The following CSMD1 variants were observed in gnomAD, a reference collection of about 807,000 sequenced individuals.
CSMD1 encodes the protein CUB and Sushi multiple domains 1.
CSMD1 carries 213 observed loss-of-function variants against 417.5 expected under a neutral mutation model. The ratio of observed to expected loss-of-function variants is 0.51; its 90% CI spans 0.46 to 0.57. The LOEUF is 0.57. Ranked by LOEUF, CSMD1 falls within the 20% of genes least tolerant of loss-of-function variation. CSMD1 has a pLI of 0.00. For missense variants in CSMD1, 6,923 were observed against 4,529.7 expected (o/e 1.53, Z -15.17); for synonymous variants, 2,862 against 1,736.8 (o/e 1.65, Z -16.11).
chr8:4,260,089 T>C (rs2128840171), intron 3 of CSMD1, among the ~76,000 whole-genome samples: 1 of 152,128 alleles, frequency 6.6e-6, no homozygotes, highest in Non-Finnish European at 1.5e-5. Context: ...ACATCCATTT[T>C]ACTAGAAATT....
chr8:4,030,253 C>T (rs1051715048), intron 4 of CSMD1, among the ~76,000 whole-genome samples: 15 of 152,188 alleles, frequency 9.9e-5, no homozygotes, highest in African/African-American at 3.6e-4. Context: ...CCCCACATTT[C>T]CCTCCTGCAC....
chr8:3,627,514 G>C (rs2469312), intron 7 of CSMD1, among the ~76,000 whole-genome samples: 3 of 152,042 alleles, frequency 2.0e-5, no homozygotes, highest in African/African-American at 4.8e-5. Context: ...CTGAATATAT[G>C]AGACTACTTT....
intron 2 of CSMD1, among the ~76,000 whole-genome samples, chr8:4,595,073 C>T (rs1002978657): frequency 6.6e-6 from 1 of 152,018 alleles, no homozygotes; most frequent in African/African-American, 2.4e-5. Flanking sequence ...CATAGGTGTG[C>T]CTTTTTTTAT....
chr8:3,352,007 G>A (rs1465992568), intron 21 of CSMD1, among the ~76,000 whole-genome samples: 2 of 150,548 alleles, frequency 1.3e-5, no homozygotes, highest in Admixed American at 6.6e-5. Context: ...CTTTTTTTTC[G>A]GATTTTATGT....
chr8:3,472,559 T>C (rs1817167642), intron 11 of CSMD1, among the ~76,000 whole-genome samples: 1 of 151,946 alleles, frequency 6.6e-6, no homozygotes, highest in African/African-American at 2.4e-5. Flanking sequence ...ACAAGAAAGA[T>C]GATGAAGAAC....
At chr8:3,145,664 T>C (rs538361423) in intron 40 of CSMD1, among the ~76,000 whole-genome samples, 2 of 152,334 alleles carry the variant, frequency 1.3e-5, no homozygotes, top group East Asian at 1.9e-4. Context: ...AAAATAGAAT[T>C]ATCTAGCTAT....
chr8:4,768,382 A>G (rs746557150), intron 1 of CSMD1, among the ~76,000 whole-genome samples: 1 of 152,148 alleles, frequency 6.6e-6, no homozygotes, highest in Non-Finnish European at 1.5e-5. Context: ...TGTTCTTTCC[A>G]TTCAGAAAAT....
chr8:4,900,639 G>C (rs529278319), intron 1 of CSMD1, among the ~76,000 whole-genome samples: 1 of 152,256 alleles, frequency 6.6e-6, no homozygotes, highest in African/African-American at 2.4e-5. Context: ...TGTTCATCCA[G>C]CTCCTGTACT....
intron 3 of CSMD1, among the ~76,000 whole-genome samples, chr8:4,034,311 ATC>A (rs776976076): frequency 9.9e-5 from 15 of 152,192 alleles, no homozygotes; most frequent in African/African-American, 3.4e-4. Context: ...TGTTTATGAG[ATC>A]TCTATTTACA....
rs143727364 is a variant in CSMD1 at position 3,258,079 on chromosome 8, T to C, written c.4153+26065A>G. 7.9e-3 allele frequency among the ~76,000 whole-genome samples: 1,208 copies of C among 152,196 alleles called. 16 individuals carry two copies. Among genetic ancestry groups the C allele is most frequent in the African/African-American group, 0.027 (1,119 of 41,508 alleles). ...CAGGGCCCCATTCTCATAAATTTTA[T>C]AGGTATGTCCAATAAGGTTTCTGGA... On this transcript the variant is annotated intron_variant, in intron 26 of 69. Coordinates refer to ENST00000635120, the MANE Select transcript of CSMD1 (RefSeq NM_033225.6).
chr8:4,422,909 G>T (rs560000419), intron 2 of CSMD1, among the ~76,000 whole-genome samples: 3 of 151,920 alleles, frequency 2.0e-5, no homozygotes, highest in African/African-American at 4.8e-5. Flanking sequence ...CAATATTAAT[G>T]GGCTAACAAA....
At chr8:3,717,624 C>T (rs1563305355) in intron 6 of CSMD1, among the ~76,000 whole-genome samples, 1 of 152,204 alleles carries the variant, frequency 6.6e-6, no homozygotes, top group East Asian at 1.9e-4. Flanking sequence ...CCACAGACAA[C>T]CACTGTTAGA....
chr8:3,741,057 A>G (rs1315850113), intron 6 of CSMD1, among the ~76,000 whole-genome samples: 2 of 152,054 alleles, frequency 1.3e-5, no homozygotes, highest in Non-Finnish European at 1.5e-5. Context: ...TCTACTAAAA[A>G]TACAAAAATT....
chr8:3,830,615 T>C lies in CSMD1; in HGVS notation c.819-76573A>G, dbSNP rs1236229775. 2.6e-5 allele frequency among the ~76,000 whole-genome samples: 4 copies of C among 152,254 alleles called. No homozygotes were observed. In the East Asian group the frequency reaches 5.8e-4, roughly 22 times the overall value. ...TTTGCAAGCAACACTGGCAGAAAAA[T>C]ATTGATTTAATGCTCTGCCATGGCC... On this transcript the variant is annotated intron_variant, in intron 5 of 69. Coordinates refer to ENST00000635120, the MANE Select transcript of CSMD1 (RefSeq NM_033225.6).
intron 3 of CSMD1, among the ~76,000 whole-genome samples, chr8:4,324,761 C>T (rs1361443864): frequency 6.6e-6 from 1 of 152,120 alleles, no homozygotes; most frequent in Non-Finnish European, 1.5e-5. Flanking sequence ...TTGTTTCAGC[C>T]CCATAAACAA....
intron 3 of CSMD1, among the ~76,000 whole-genome samples, chr8:4,177,244 T>G (rs900716192): frequency 2.0e-5 from 3 of 152,002 alleles, no homozygotes; most frequent in African/African-American, 4.8e-5. Context: ...CACACCACAG[T>G]GCAATCAAGC....
intron 1 of CSMD1, among the ~76,000 whole-genome samples, chr8:4,640,331 C>A (rs112640120): frequency 6.6e-6 from 1 of 152,134 alleles, no homozygotes; most frequent in Non-Finnish European, 1.5e-5. Context: ...AGTATCTATG[C>A]CTAAGATAGA....
chr8:3,705,909 A>C (rs1174623914), intron 7 of CSMD1, among the ~76,000 whole-genome samples: 1 of 152,234 alleles, frequency 6.6e-6, no homozygotes, highest in Admixed American at 6.5e-5. Flanking sequence ...CAGAAGATGA[A>C]ATCCTCATGT....
intron 50 of CSMD1, among the ~76,000 whole-genome samples, chr8:3,042,879 T>G (rs984029081): frequency 2.6e-5 from 4 of 152,080 alleles, no homozygotes; most frequent in Non-Finnish European, 4.4e-5. Context: ...AGTACTATAG[T>G]GAATATAGTA....
Sources: gnomAD v4.1 joint callset for allele counts (sites outside exome capture counted in the v4.1 genomes callset) on GRCh38, gnomAD v4.1.1 for gene constraint, MANE v1.5 for transcripts, NCBI Gene and HGNC (gene_info 2026-07-23, HGNC 2026-07-21) for gene names.